Variants in UVRAG observed in about 807,000 individuals in gnomAD.
UVRAG encodes UV radiation resistance-associated gene protein.
Under a neutral mutation model 78.0 loss-of-function variants are expected in UVRAG, and 19 were observed. The observed-to-expected ratio is 0.24, with a 90% confidence interval of 0.17 to 0.36. The LOEUF (loss-of-function observed/expected upper bound fraction) is 0.36, where lower values mean the gene tolerates loss of function less well. Among genes scored for constraint, UVRAG ranks in the 10% least tolerant of loss-of-function variants. The pLI, the probability that UVRAG is intolerant of heterozygous loss-of-function variation, is 1.00. For synonymous variants in UVRAG, 323 were observed against 324.6 expected (o/e 1.00, Z 0.05); for missense variants, 740 against 853.8 (o/e 0.87, Z 1.66).
intron 1 of UVRAG, among the ~76,000 whole-genome samples, chr11:75,847,742 G>A (rs542865225): frequency 2.4e-4 from 36 of 152,138 alleles, no homozygotes; most frequent in African/African-American, 8.4e-4. Context: ...GGAGGCTGAG[G>A]TGGGCGGATC....
chr11:75,874,565 T>C (rs765125437), intron 3 of UVRAG, among the ~76,000 whole-genome samples: 3 of 152,226 alleles, frequency 2.0e-5, no homozygotes, highest in Non-Finnish European at 4.4e-5. Context: ...AATTGTCTTA[T>C]TTACTTCATG....
chr11:75,862,161 C>G (rs1038348290), intron 3 of UVRAG, among the ~76,000 whole-genome samples: 1 of 152,134 alleles, frequency 6.6e-6, no homozygotes, highest in Non-Finnish European at 1.5e-5. Flanking sequence ...ATGATAAAAA[C>G]TCAAATTCTA....
chr11:76,013,881 T>A (rs1950098205), intron 11 of UVRAG, among the ~76,000 whole-genome samples: 1 of 152,206 alleles, frequency 6.6e-6, no homozygotes, highest in Non-Finnish European at 1.5e-5. Flanking sequence ...ATATTGGAAA[T>A]CTAACACCAC....
At chr11:75,866,527 G>A (rs894165823) in intron 3 of UVRAG, among the ~76,000 whole-genome samples, 2 of 151,828 alleles carry the variant, frequency 1.3e-5, no homozygotes, top group African/African-American at 4.8e-5. Flanking sequence ...CAGCTTGGGC[G>A]ACACAGTGAG....
At chr11:75,962,245 A>G (rs1240307008) in intron 7 of UVRAG, among the ~76,000 whole-genome samples, 1 of 152,122 alleles carries the variant, frequency 6.6e-6, no homozygotes, top group Admixed American at 6.5e-5. Flanking sequence ...AGTTCTAGAT[A>G]AAATTATTTA....
At chr11:76,054,252 A>G (rs1200963689) in intron 12 of UVRAG, among the ~76,000 whole-genome samples, 2 of 152,186 alleles carry the variant, frequency 1.3e-5, no homozygotes, top group East Asian at 3.8e-4. Flanking sequence ...ACCTCATAGA[A>G]GATCTGTCAC....
At chr11:76,078,182 G>A (rs773218395) in intron 13 of UVRAG, among the ~76,000 whole-genome samples, 1 of 152,160 alleles carries the variant, frequency 6.6e-6, no homozygotes, top group Non-Finnish European at 1.5e-5. Flanking sequence ...CATAGCTTAG[G>A]TGTAAGCTCT....
chr11:76,013,042 G>A (rs892874135), intron 11 of UVRAG: 5 of 152,070 alleles, frequency 3.3e-5, no homozygotes. Flanking sequence ...GTCCTGTCTG[G>A]ATCAGTGGGT....
chr11:76,056,566 T>C (rs1191422796), intron 12 of UVRAG, among the ~76,000 whole-genome samples: 2 of 152,352 alleles, frequency 1.3e-5, no homozygotes, highest in African/African-American at 4.8e-5. Flanking sequence ...TTCCTTGTTG[T>C]ATAAGTTAAA....
chr11:75,976,551 T>TA (rs1435134990), intron 7 of UVRAG, among the ~76,000 whole-genome samples: 1 of 152,214 alleles, frequency 6.6e-6, no homozygotes, highest in African/African-American at 2.4e-5. Flanking sequence ...CAGAGCCTGT[T>TA]ATTGCTCTAT....
chr11:75,970,749 A>G (rs972960968), intron 7 of UVRAG, among the ~76,000 whole-genome samples: 7 of 151,972 alleles, frequency 4.6e-5, no homozygotes, highest in Admixed American at 4.6e-4. Flanking sequence ...AAAAAAAAAA[A>G]AAATTAGGCA....
At position 76,136,389 on chromosome 11, in the gene UVRAG, C is replaced by G. The variant is rs1952597189; in HGVS notation, c.1398-4322C>G. On this transcript the variant is annotated intron_variant, in intron 14 of 14. Transcript: ENST00000356136. ...GAATAATTAAGTAAATTATGATAGTCCATTCAGTGAAGCAACCATTTAGAA... is the reference window on the plus strand; with the variant it reads ...GAATAATTAAGTAAATTATGATAGTGCATTCAGTGAAGCAACCATTTAGAA... 2.0e-5 allele frequency among the ~76,000 whole-genome samples: 3 copies of G among 151,970 alleles called. No homozygotes were observed. In the South Asian group the frequency reaches 6.2e-4, roughly 32 times the overall value.
At chr11:75,945,346 C>G (rs972001877) in intron 6 of UVRAG, among the ~76,000 whole-genome samples, 69 of 152,014 alleles carry the variant, frequency 4.5e-4, no homozygotes, top group African/African-American at 1.6e-3. Context: ...ACAGACACTA[C>G]CAAGTTATAG....
chr11:75,925,031 G>A lies in UVRAG; in HGVS notation c.593+12992G>A, dbSNP rs1948066946. Among the ~76,000 whole-genome samples the A allele has an allele frequency of 3.3e-5, 5 of 152,306 alleles. No homozygotes were observed. In the South Asian group the frequency reaches 1.0e-3, roughly 32 times the overall value. ...AGTATATGTAGTCTTCTGCCCAAGA[G>A]ATGTTCTCTGTCTCTGCCCCTGTCC... is the stretch of plus-strand genomic sequence containing the variant. On this transcript the variant is annotated intron_variant, in intron 6 of 14. Coordinates refer to ENST00000356136, the MANE Select transcript of UVRAG (RefSeq NM_003369.4).
At chr11:76,011,255 A>G (rs1950044660) in intron 11 of UVRAG, among the ~76,000 whole-genome samples, 1 of 152,232 alleles carries the variant, frequency 6.6e-6, no homozygotes, top group Admixed American at 6.5e-5. Context: ...CTCTAAGGTC[A>G]TATTCATTCC....
Position 76,135,151 on chromosome 11 carries a change from C to A in UVRAG, c.1398-5560C>A, listed in dbSNP as rs144336371. ...AAATTGTCTTCCACAAAACGGGTACCTGGTGCCAAAAAGATTGAGGAGCAC... is the reference window on the plus strand; with the variant it reads ...AAATTGTCTTCCACAAAACGGGTACATGGTGCCAAAAAGATTGAGGAGCAC... On this transcript the variant is annotated intron_variant, in intron 14 of 14. Coordinates refer to ENST00000356136, the MANE Select transcript of UVRAG (RefSeq NM_003369.4). Among the ~76,000 whole-genome samples, 52 of 152,276 alleles carry A rather than the reference C, an allele frequency of 3.4e-4. 1 individual carries two copies. The East Asian group carries it at 9.6e-3, about 28-fold the overall frequency.
chr11:75,894,391 G>A (rs934140695), intron 5 of UVRAG, among the ~76,000 whole-genome samples: 1 of 152,066 alleles, frequency 6.6e-6, no homozygotes, highest in African/African-American at 2.4e-5. Context: ...CCCACAGAGA[G>A]TGAAAAGCAT....
intron 13 of UVRAG, among the ~76,000 whole-genome samples, chr11:76,086,391 A>C (rs1340592265): frequency 6.6e-6 from 1 of 152,248 alleles, no homozygotes; most frequent in African/African-American, 2.4e-5. Flanking sequence ...GAAACCAATC[A>C]GAACTATTCT....
rs550000882 is a variant in UVRAG at position 75,847,883 on chromosome 11, A to G, written c.118-4000A>G. 2.0e-5 allele frequency among the ~76,000 whole-genome samples: 3 copies of G among 151,894 alleles called. No individual in the cohort carries two copies. In the East Asian group the frequency reaches 5.8e-4, roughly 30 times the overall value. ...CTACTCAGGAGGCTGAGGCTGGGGA[A>G]ATGCTTGAACCCGGGAGGCGGAGAT... On this transcript the variant is annotated intron_variant, in intron 1 of 14. Coordinates refer to ENST00000356136, the MANE Select transcript of UVRAG (RefSeq NM_003369.4).
Sources: allele counts gnomAD v4.1 joint callset (sites outside exome capture counted in the v4.1 genomes callset), GRCh38; gene constraint gnomAD v4.1.1; transcripts MANE v1.5; gene names NCBI Gene and HGNC (gene_info 2026-07-23, HGNC 2026-07-21).